Variants in ANKMY1 observed in about 807,000 individuals in gnomAD.
ANKMY1 encodes ankyrin repeat and MYND domain containing 1, also known as ankyrin repeat and MYND domain-containing protein 1.
ANKMY1 carries 98 observed loss-of-function variants against 102.0 expected under a neutral mutation model. The observed-to-expected ratio is 0.96, with a 90% confidence interval of 0.82 to 1.14. The LOEUF is 1.14. ANKMY1 is among the 50% of genes most tolerant of loss of function. ANKMY1 has a pLI of 0.00. For synonymous variants in ANKMY1, 582 were observed against 559.9 expected (o/e 1.04, Z -0.56); for missense variants, 1,330 against 1,347.6 (o/e 0.99, Z 0.20).
At chr2:240,557,761 C>G (rs1253217709) in intron 1 of ANKMY1, 120 bp downstream of exon 1, 1 of 612,194 alleles carries the variant, frequency 1.6e-6, no homozygotes, top group East Asian at 1.4e-4. Flanking sequence ...ACGCCCCCAG[C>G]CCCTCGGCCC....
downstream of ANKMY1, among the ~76,000 whole-genome samples, chr2:240,477,326 A>T (rs1452529027): frequency 6.6e-6 from 1 of 152,180 alleles, no homozygotes; most frequent in East Asian, 1.9e-4. Flanking sequence ...CAAAAAAAAT[A>T]ATAAAAATAA....
chr2:240,478,168 T>C (rs1380763503), downstream of ANKMY1, among the ~76,000 whole-genome samples: 2 of 152,194 alleles, frequency 1.3e-5, no homozygotes, highest in Non-Finnish European at 2.9e-5. Flanking sequence ...CCGCCATGAT[T>C]GAAGCTGAGC....
chr2:240,512,891 C>T lies in ANKMY1; in HGVS notation c.2056G>A (p.Gly686Arg), dbSNP rs370594143. ...HIAAALPGEE[G>R]VQIVELLLHA... is the part of the protein sequence containing the mutation. ...AACAGCAGCTCCACAATCTGTACCCCCTCCTCCCCAGGAAGGGCGGCAGCG... is the reference window on the plus strand; with the variant it reads ...AACAGCAGCTCCACAATCTGTACCCTCTCCTCCCCAGGAAGGGCGGCAGCG... The change falls in exon 10 of 18, where the codon GGG (glycine) becomes AGG (arginine). Residue 686 changes from glycine to arginine, a missense_variant. Transcript: ENST00000401804. The T allele has an allele frequency of 3.3e-5, 53 of 1,613,926 alleles. No individual in the cohort carries two copies. The highest frequency in any genetic ancestry group is 4.1e-5 in the Non-Finnish European group (48 of 1,179,988).
intron 4 of ANKMY1, among the ~76,000 whole-genome samples, chr2:240,535,859 T>C (rs899944819): frequency 5.3e-5 from 6 of 113,776 alleles, no homozygotes. Context: ...CCCCCCTAAA[T>C]AGTAAAGACT....
chr2:240,525,785 G>A lies in ANKMY1; in HGVS notation c.1235C>T (p.Ser412Leu). 1.2e-6 allele frequency: 2 copies of A among 1,614,156 alleles called. No homozygotes were observed. Among genetic ancestry groups the A allele is most frequent in the South Asian group, 1.1e-5 (1 of 91,080 alleles). Reference protein sequence around the residue: ...LDCGADVNKCSDEGLTALSMC... With the variant: ...LDCGADVNKCLDEGLTALSMC... ...GCTGAGTGCCGTGAGACCCTCATCT[G>A]AGCACTTGTTCACGTCGGCCCCACA... is the stretch of plus-strand genomic sequence containing the variant. Residue 412 changes from serine to leucine, a missense_variant, in exon 7 of 18, where the codon TCA (serine) becomes TTA (leucine). Physicochemically the swap from Ser to Leu is moderately radical, Grantham distance 145. Transcript: ENST00000401804.
At chr2:240,490,622 T>C (rs2076536414) in intron 15 of ANKMY1, among the ~76,000 whole-genome samples, 1 of 152,180 alleles carries the variant, frequency 6.6e-6, no homozygotes, top group Admixed American at 6.5e-5. Flanking sequence ...GTAGAAATTA[T>C]GCATTTGTAT....
At chr2:240,514,638 T>A (rs2080860248) in intron 9 of ANKMY1, among the ~76,000 whole-genome samples, 1 of 152,236 alleles carries the variant, frequency 6.6e-6, no homozygotes, top group South Asian at 2.1e-4. Context: ...CACGAGGATG[T>A]CCAATGACAC....
In ANKMY1 at chr2:240,507,703, C is replaced by G; in HGVS notation, c.2395-12G>C. 1 of 1,591,774 alleles carries G rather than the reference C, an allele frequency of 6.3e-7. No homozygotes were observed. The highest frequency in any genetic ancestry group is 8.6e-7 in the Non-Finnish European group (1 of 1,167,766). On this transcript the variant is annotated splice_polypyrimidine_tract_variant and intron_variant, in intron 12 of 17. Transcript: ENST00000401804. ...AGCTCCTTCACAACCTGAACATACA[C>G]AGACAGTCTCATCAGTGGCCACCAT...
chr2:240,523,938 G>A lies in ANKMY1; in HGVS notation c.1779C>T (p.Cys593=). The A allele has an allele frequency of 1.9e-6, 3 of 1,613,768 alleles. No homozygotes were observed. Among genetic ancestry groups the A allele is most frequent in the South Asian group, 1.1e-5 (1 of 91,090 alleles). ...TGGTCCCTTTGTCGAAGCTGCTGGTGCACGGTGAGGGCGAGGCCATCTTCA... is the reference window on the plus strand; with the variant it reads ...TGGTCCCTTTGTCGAAGCTGCTGGTACACGGTGAGGGCGAGGCCATCTTCA... The part of the protein sequence containing the change: ...SLLKMASPSP[C]TSSFDKGTMR... Residue 593 remains cysteine, a synonymous_variant, in exon 8 of 18, where the codon TGC becomes TGT. Coordinates refer to ENST00000401804, the MANE Select transcript of ANKMY1 (RefSeq NM_001282771.3).
At chr2:240,469,539 C>G in the ANKMY1 span, among the ~76,000 whole-genome samples, 2 of 152,344 alleles carry the variant, frequency 1.3e-5, no homozygotes, top group African/African-American at 4.8e-5. Flanking sequence ...GCAGCTCAGC[C>G]CAGCCGTGGT....
chr2:240,543,213 T>A (rs1394966420), intron 4 of ANKMY1, among the ~76,000 whole-genome samples: 1 of 151,184 alleles, frequency 6.6e-6, no homozygotes, highest in Non-Finnish European at 1.5e-5. Flanking sequence ...ATTAGCCGGG[T>A]GTGGTGGCGG....
Position 240,509,385 on chromosome 2 carries a change from G to A in ANKMY1, c.2357C>T (p.Ser786Phe). 3.1e-6 allele frequency: 5 copies of A among 1,613,778 alleles called. No individual in the cohort carries two copies. The highest frequency in any genetic ancestry group is 4.2e-6 in the Non-Finnish European group (5 of 1,179,846). The change falls in exon 12 of 18, where the codon TCC (serine) becomes TTC (phenylalanine). Residue 786 changes from serine (S) to phenylalanine (F), a missense_variant. Transcript: ENST00000401804. ...ANPNLLWSGH[S>F]PLSLSIASGN... Reference sequence around the variant, plus strand: ...ACTGGCAATGGACAGGGAGAGCGGGGAGTGGCCACTCCACAGCAGGTTAGG... The same window carrying A: ...ACTGGCAATGGACAGGGAGAGCGGGAAGTGGCCACTCCACAGCAGGTTAGG...
chr2:240,499,981 G>T lies in ANKMY1; in HGVS notation c.2783C>A (p.Thr928Lys). The T allele has an allele frequency of 1.2e-6, 2 of 1,612,862 alleles. No individual in the cohort carries two copies. Among genetic ancestry groups the T allele is most frequent in the Non-Finnish European group, 1.7e-6 (2 of 1,179,776 alleles). Reference sequence around the variant, plus strand: ...ACCTCTCTTGCACAGGTACAGCCACGTGGGGTCCCACTGGCTCTCCTTGGC... The same window carrying T: ...ACCTCTCTTGCACAGGTACAGCCACTTGGGGTCCCACTGGCTCTCCTTGGC... ...VFAKESQWDPTWLYLCKRAEL... is the reference protein window; with the variant it reads ...VFAKESQWDPKWLYLCKRAEL... The change falls in exon 15 of 18, where the codon ACG becomes AAG. Residue 928 changes from threonine to lysine, a missense_variant. Physicochemically the swap from Thr to Lys is moderately conservative, Grantham distance 78. Transcript: ENST00000401804. The surrounding 1 kb of genome is among the most constrained non-coding windows in gnomAD (Gnocchi z 4.2).
At chr2:240,522,195 G>A (rs927794444) in intron 8 of ANKMY1, 29 of 152,126 alleles carry the variant, frequency 1.9e-4, no homozygotes, top group African/African-American at 7.0e-4. Flanking sequence ...TAGACACTGA[G>A]CATTGATTGG....
In ANKMY1 at chr2:240,520,352, C is replaced by T. The variant is rs781109862; in HGVS notation, c.2004+10G>A. The T allele has an allele frequency of 6.5e-7, 1 of 1,528,334 alleles. No homozygotes were observed. Among genetic ancestry groups the T allele is most frequent in the Admixed American group, 2.1e-5 (1 of 47,560 alleles). 94.7% of individuals were successfully genotyped at this position (1,528,334 alleles called of 1,614,324 possible). On this transcript the variant is annotated intron_variant, in intron 9 of 17. Coordinates refer to ENST00000401804, the MANE Select transcript of ANKMY1 (RefSeq NM_001282771.3). The surrounding 1 kb of genome is among the most constrained non-coding windows in gnomAD (Gnocchi z 4.8). ...CGCTCGTCCCGGCGCCCGCCCGCCGCGGCTCCTACCTGCGGCGGAAAGCAG... is the reference window on the plus strand; with the variant it reads ...CGCTCGTCCCGGCGCCCGCCCGCCGTGGCTCCTACCTGCGGCGGAAAGCAG...
chr2:240,500,411 CCA>C, intron 14 of ANKMY1, 39 bp downstream of exon 14: 1 of 1,584,526 alleles, frequency 6.3e-7, no homozygotes, highest in Non-Finnish European at 8.6e-7. Flanking sequence ...TGCACGTGAC[CCA>C]CACTCCCCCT....
intron 15 of ANKMY1, among the ~76,000 whole-genome samples, chr2:240,487,736 C>A (rs1408095637): frequency 6.6e-6 from 1 of 151,994 alleles, no homozygotes; most frequent in Non-Finnish European, 1.5e-5. Context: ...ATAAGACGAA[C>A]AGATGAGCAT....
chr2:240,500,636 G>C (rs1393444932), intron 13 of ANKMY1, 71 bp from the exon 14 acceptor site: 19 of 1,380,110 alleles, frequency 1.4e-5, no homozygotes, highest in Non-Finnish European at 1.8e-5. Flanking sequence ...AGCACCGCCT[G>C]AGAAGGGCCA....
intron 2 of ANKMY1, 169 bp from the exon 3 acceptor site, chr2:240,555,224 G>A (rs1477235513): frequency 2.9e-6 from 2 of 695,994 alleles, no homozygotes; most frequent in Non-Finnish European, 4.8e-6. Context: ...GGCACAGAGG[G>A]TGCAGCGATT....
Sources: allele counts gnomAD v4.1 joint callset (sites outside exome capture counted in the v4.1 genomes callset), GRCh38; gene constraint gnomAD v4.1.1; non-coding constraint Gnocchi (gnomAD v3.1); transcripts MANE v1.5; gene names NCBI Gene and HGNC (gene_info 2026-07-23, HGNC 2026-07-21).